ST6GALNAC3: variants seen among roughly 807,000 people sequenced by gnomAD.
The protein encoded by ST6GALNAC3 is ST6 N-acetylgalactosaminide alpha-2,6-sialyltransferase 3.
In ST6GALNAC3, 25 loss-of-function variants were observed where a neutral mutation model predicts 32.7. The observed-to-expected ratio is 0.76, with a 90% CI of 0.56 to 1.07. The LOEUF is 1.07. Among genes scored for constraint, ST6GALNAC3 ranks in the 50% least tolerant of loss-of-function variants. ST6GALNAC3 has a pLI of 0.00. For missense variants in ST6GALNAC3, 355 were observed against 382.4 expected (o/e 0.93, Z 0.60); for synonymous variants, 129 against 133.1 (o/e 0.97, Z 0.21).
intron 3 of ST6GALNAC3, among the ~76,000 whole-genome samples, chr1:76,420,937 A>C (rs74089925): frequency 0.043 from 6,467 of 152,136 alleles, 483 homozygotes; most frequent in African/African-American, 0.15. Context: ...TAGAAATAAT[A>C]ACTTTCTACC....
chr1:76,246,827 T>C (rs1234274820), intron 1 of ST6GALNAC3, among the ~76,000 whole-genome samples: 1 of 152,212 alleles, frequency 6.6e-6, no homozygotes, highest in African/African-American at 2.4e-5. Context: ...TCATTCTTTG[T>C]CCAGTTTTGT....
chr1:76,579,947 C>T lies in ST6GALNAC3; in HGVS notation c.624-47505C>T, dbSNP rs192481507. On this transcript the variant is annotated intron_variant, in intron 3 of 4. Transcript: ENST00000328299. Reference sequence around the variant, plus strand: ...TTAGTTGATTAGAGATTACAAAATACTGGTATTCTTATCTTCTCATACCTT... The same window carrying T: ...TTAGTTGATTAGAGATTACAAAATATTGGTATTCTTATCTTCTCATACCTT... 1.5e-3 allele frequency among the ~76,000 whole-genome samples: 232 copies of T among 152,116 alleles called. 1 individual carries two copies. Among genetic ancestry groups the T allele is most frequent in the Non-Finnish European group, 1.8e-3 (119 of 67,952 alleles).
intron 1 of ST6GALNAC3, among the ~76,000 whole-genome samples, chr1:76,138,218 T>TA (rs953050792): frequency 5.9e-5 from 9 of 152,264 alleles, no homozygotes; most frequent in African/African-American, 2.2e-4. Context: ...TGAGAATAGG[T>TA]AAAATCATTT....
chr1:76,077,041 G>A (rs1646826198), intron 1 of ST6GALNAC3, among the ~76,000 whole-genome samples: 1 of 152,124 alleles, frequency 6.6e-6, no homozygotes, highest in African/African-American at 2.4e-5. Context: ...AGACAGTCTG[G>A]GCTGGATCTT....
chr1:76,519,491 G>C (rs1662378715), intron 3 of ST6GALNAC3, among the ~76,000 whole-genome samples: 1 of 152,044 alleles, frequency 6.6e-6, no homozygotes, highest in Admixed American at 6.6e-5. Flanking sequence ...TGAAATGTGA[G>C]TAGTAGACTG....
intron 1 of ST6GALNAC3, among the ~76,000 whole-genome samples, chr1:76,168,094 T>G (rs1652241207): frequency 6.6e-6 from 1 of 152,158 alleles, no homozygotes; most frequent in South Asian, 2.1e-4. Context: ...TAACTTGAGA[T>G]CTTTCTAATT....
At chr1:76,331,654 T>C (rs1647188731) in intron 2 of ST6GALNAC3, among the ~76,000 whole-genome samples, 1 of 152,182 alleles carries the variant, frequency 6.6e-6, no homozygotes, top group Admixed American at 6.5e-5. Flanking sequence ...CATGGAACTG[T>C]TGCATCTCCC....
intron 1 of ST6GALNAC3, among the ~76,000 whole-genome samples, chr1:76,186,776 C>G (rs1310365602): frequency 6.6e-6 from 1 of 152,160 alleles, no homozygotes; most frequent in Non-Finnish European, 1.5e-5. Context: ...TCATGTTCCT[C>G]TGTAGATTTA....
chr1:76,402,212 C>T (rs1653479850), intron 2 of ST6GALNAC3, among the ~76,000 whole-genome samples: 1 of 152,110 alleles, frequency 6.6e-6, no homozygotes, highest in Non-Finnish European at 1.5e-5. Context: ...GTACAGCTTT[C>T]CTGGAGCCTA....
Position 76,633,562 on chromosome 1 carries a change from G to C in ST6GALNAC3, c.*4756G>C, listed in dbSNP as rs1323934025. Reference sequence around the variant, plus strand: ...CACCAAGAGCTGCTGAGTGTTGGAGGTTGCCTGGTGAAACTGGCAGGCCCT... The same window carrying C: ...CACCAAGAGCTGCTGAGTGTTGGAGCTTGCCTGGTGAAACTGGCAGGCCCT... On this transcript the variant is annotated 3_prime_UTR_variant, in exon 5 of 5. Coordinates refer to ENST00000328299, the MANE Select transcript of ST6GALNAC3 (RefSeq NM_152996.4). The C allele has an allele frequency of 6.6e-6, 1 of 152,132 alleles. No individual in the cohort carries two copies. The highest frequency in any genetic ancestry group is 1.5e-5 in the Non-Finnish European group (1 of 68,012). 9.4% of individuals were successfully genotyped at this position (152,132 alleles called of 1,614,324 possible).
At chr1:76,397,510 C>T (rs1653065766) in intron 2 of ST6GALNAC3, among the ~76,000 whole-genome samples, 1 of 151,048 alleles carries the variant, frequency 6.6e-6, no homozygotes, top group South Asian at 2.1e-4. Context: ...ACTGGGATTA[C>T]AGGCACGCAC....
At chr1:76,576,731 T>C in intron 3 of ST6GALNAC3, 1 of 802,468 alleles carries the variant, frequency 1.2e-6, no homozygotes, top group South Asian at 1.5e-5. Flanking sequence ...GGGAGCCTGA[T>C]TAATCAGTTT....
intron 1 of ST6GALNAC3, among the ~76,000 whole-genome samples, chr1:76,139,021 C>A (rs58685142): frequency 0.016 from 2,465 of 152,052 alleles, 72 homozygotes; most frequent in African/African-American, 0.056. Flanking sequence ...GGTGAAACCC[C>A]GTCTCTACTA....
At chr1:76,582,308 T>C (rs1646902979) in intron 3 of ST6GALNAC3, among the ~76,000 whole-genome samples, 1 of 152,162 alleles carries the variant, frequency 6.6e-6, no homozygotes, top group South Asian at 2.1e-4. Flanking sequence ...AGGCAGTCTT[T>C]CCATGTGGCT....
At chr1:76,316,671 G>A (rs1646873032) in intron 2 of ST6GALNAC3, among the ~76,000 whole-genome samples, 1 of 152,024 alleles carries the variant, frequency 6.6e-6, no homozygotes, top group African/African-American at 2.4e-5. Context: ...GATCAGAATG[G>A]GTTTCTGGGG....
rs1305444566 is a variant in ST6GALNAC3, at chr1:76,171,638, C to A, written c.18+96754C>A. 2.2e-4 allele frequency among the ~76,000 whole-genome samples: 34 copies of A among 151,390 alleles called. 2 individuals are homozygous for A. The highest frequency in any genetic ancestry group is 2.2e-3 in the Admixed American group (34 of 15,208). On this transcript the variant is annotated intron_variant, in intron 1 of 4. Transcript: ENST00000328299. ...ACTGACCCCACAGAAATACAAACTG[C>A]CATCAGAGAATACTATAAACAACTC...
chr1:76,506,251 G>T (rs1022381664), intron 3 of ST6GALNAC3, among the ~76,000 whole-genome samples: 32 of 152,192 alleles, frequency 2.1e-4, no homozygotes, highest in Admixed American at 2.6e-4. Flanking sequence ...TACGACAGAA[G>T]TGATATTGCA....
At chr1:76,219,816 C>T (rs559353516) in intron 1 of ST6GALNAC3, among the ~76,000 whole-genome samples, 6 of 152,258 alleles carry the variant, frequency 3.9e-5, no homozygotes, top group East Asian at 3.9e-4. Flanking sequence ...TGTCCTTTAA[C>T]GCAGTCATAG....
intron 3 of ST6GALNAC3, among the ~76,000 whole-genome samples, chr1:76,563,553 C>A (rs1285007897): frequency 1.3e-5 from 2 of 152,048 alleles, no homozygotes; most frequent in Non-Finnish European, 2.9e-5. Context: ...GTATTTAGAA[C>A]CCAATTTAAC....
Sources: allele counts gnomAD v4.1 joint callset (sites outside exome capture counted in the v4.1 genomes callset), GRCh38; gene constraint gnomAD v4.1.1; transcripts MANE v1.5; gene names NCBI Gene and HGNC (gene_info 2026-07-23, HGNC 2026-07-21).